GXYLT1: variants seen among roughly 807,000 people sequenced by gnomAD.
The protein encoded by GXYLT1 is glycosyltransferase 8 domain containing 3.
In GXYLT1, 29 loss-of-function variants were observed where a neutral mutation model predicts 54.0. The ratio of observed to expected loss-of-function variants is 0.54; its 90% confidence interval spans 0.40 to 0.73. The LOEUF (loss-of-function observed/expected upper bound fraction) is 0.73, where lower values mean the gene tolerates loss of function less well. Ranked by LOEUF, GXYLT1 falls within the 30% of genes least tolerant of loss-of-function variation. The pLI, the probability that GXYLT1 is intolerant of heterozygous loss-of-function variation, is 0.00. For synonymous variants in GXYLT1, 176 were observed against 204.1 expected (o/e 0.86, Z 1.17); for missense variants, 490 against 553.4 (o/e 0.89, Z 1.15).
chr12:42,086,638 T>C lies in GXYLT1; in HGVS notation c.*1148A>G, dbSNP rs2065294978. 3 of 152,092 alleles carry C rather than the reference T, an allele frequency of 2.0e-5. No homozygotes were observed. In the South Asian group the frequency reaches 6.2e-4, roughly 31 times the overall value. The allele number at this position is 152,092 out of a possible 1,614,324, so 9.4% of individuals were successfully genotyped here. Reference sequence around the variant, plus strand: ...AGTAATTTCTCAAGATTTAAAAAAATTAACTGTCTTAGGTGATATTCAAAA... The same window carrying C: ...AGTAATTTCTCAAGATTTAAAAAAACTAACTGTCTTAGGTGATATTCAAAA... On this transcript the variant is annotated 3_prime_UTR_variant, in exon 8 of 8. Coordinates refer to ENST00000398675, the MANE Select transcript of GXYLT1 (RefSeq NM_173601.2).
intron 3 of GXYLT1, among the ~76,000 whole-genome samples, chr12:42,114,020 G>A (rs1046297313): frequency 2.6e-5 from 4 of 152,192 alleles, no homozygotes; most frequent in East Asian, 1.9e-4. Context: ...AACCTGCTCC[G>A]GAATGACTAC....
intron 7 of GXYLT1, among the ~76,000 whole-genome samples, chr12:42,088,413 C>T (rs1248193979): frequency 1.3e-5 from 2 of 152,036 alleles, no homozygotes; most frequent in South Asian, 2.1e-4. Flanking sequence ...TTCAGCATGT[C>T]CCACAGAACC....
intron 7 of GXYLT1, among the ~76,000 whole-genome samples, chr12:42,090,142 T>A (rs1223244545): frequency 6.6e-6 from 1 of 152,020 alleles, no homozygotes; most frequent in East Asian, 1.9e-4. Context: ...ATGAATATTT[T>A]CTTAAATAAA....
chr12:42,097,363 G>A lies in GXYLT1; in HGVS notation c.1161+79C>T, dbSNP rs548843764. 1.2e-5 allele frequency: 13 copies of A among 1,113,394 alleles called. No homozygotes were observed. The South Asian group carries it at 1.2e-4, about 10-fold the overall frequency. The allele number at this position is 1,113,394 out of a possible 1,614,324, so 69.0% of individuals were successfully genotyped here. A position where few individuals can be genotyped will look rare whatever the true frequency, so the allele number is the denominator to read the frequency against. On this transcript the variant is annotated intron_variant, in intron 7 of 7. Transcript: ENST00000398675. ...GGCTGAGTGTGTGTAAAAATTCTTT[G>A]TACTATTTTTGTAAACTAACCATTA... is the stretch of plus-strand genomic sequence containing the variant.
rs1222937526 is a variant in GXYLT1, at chr12:42,109,225, C to T, written c.612+341G>A. ...GCTGCCTACAAGTTGAAGGTGATAA[C>T]GCCACCGCATTTCTGCTGGCAACAG... On this transcript the variant is annotated intron_variant, in intron 4 of 7. Transcript: ENST00000398675. 2.6e-5 allele frequency among the ~76,000 whole-genome samples: 4 copies of T among 152,272 alleles called. No homozygotes were observed. In the South Asian group the frequency reaches 6.2e-4, roughly 24 times the overall value.
chr12:42,113,121 C>A (rs1435407524), intron 3 of GXYLT1, among the ~76,000 whole-genome samples: 1 of 150,956 alleles, frequency 6.6e-6, no homozygotes, highest in Non-Finnish European at 1.5e-5. Flanking sequence ...TAAAAGAGCT[C>A]CTGAAGGAAG....
Position 42,104,557 on chromosome 12 carries a change from TAA to T in GXYLT1, c.864+1259_864+1260del, listed in dbSNP as rs10713678. On this transcript the variant is annotated intron_variant, in intron 5 of 7. Transcript: ENST00000398675. ...TAAAAAGATTCAGAAAAGGGAAAGC[TAA>T]AAAAAAAAAAAACTAAGTTTAAGAT... Among the ~76,000 whole-genome samples, 554 of 145,568 alleles carry T rather than the reference TAA, an allele frequency of 3.8e-3. 4 individuals are homozygous for T. Among genetic ancestry groups the T allele is most frequent in the African/African-American group, 0.011 (435 of 39,954 alleles).
intron 5 of GXYLT1, among the ~76,000 whole-genome samples, chr12:42,102,787 G>A (rs922632171): frequency 1.3e-5 from 2 of 151,788 alleles, no homozygotes; most frequent in African/African-American, 2.4e-5. Flanking sequence ...CGGCAAATAC[G>A]ATACTGCAAA....
In GXYLT1 at chr12:42,105,907, A is replaced by G; in HGVS notation, c.775T>C (p.Phe259Leu). The part of the protein sequence containing the change: ...EEPRIGWYNR[F>L]ARHPYYGKTG... ...TTTCCATAATATGGATGCCTAGCAA[A>G]GCGATTATACCATCCTATTCGAGGT... The change falls in exon 5 of 8, where the codon TTT (phenylalanine) becomes CTT (leucine). Residue 259 changes from phenylalanine (F) to leucine (L), a missense_variant. By Grantham distance (22) the Phe-to-Leu change is conservative (BLOSUM62 0). Coordinates refer to ENST00000398675, the MANE Select transcript of GXYLT1 (RefSeq NM_173601.2). 1.2e-6 allele frequency: 2 copies of G among 1,613,912 alleles called. No individual in the cohort carries two copies. The highest frequency in any genetic ancestry group is 1.7e-6 in the Non-Finnish European group (2 of 1,179,818).
At chr12:42,139,942 G>A (rs1171125872) in intron 1 of GXYLT1, among the ~76,000 whole-genome samples, 2 of 152,216 alleles carry the variant, frequency 1.3e-5, no homozygotes, top group South Asian at 4.2e-4. Flanking sequence ...AGCACTTTGG[G>A]AAGCCGAGGT....
chr12:42,093,086 A>G (rs1345583725), intron 7 of GXYLT1, among the ~76,000 whole-genome samples: 1 of 152,180 alleles, frequency 6.6e-6, no homozygotes, highest in Non-Finnish European at 1.5e-5. Flanking sequence ...CGAAGCTAAT[A>G]TACTCCTAAT....
intron 3 of GXYLT1, among the ~76,000 whole-genome samples, chr12:42,114,611 C>T (rs1419200708): frequency 1.3e-5 from 2 of 152,172 alleles, no homozygotes; most frequent in East Asian, 3.9e-4. Context: ...AGACCAACAA[C>T]AGGCTCTGAA....
rs1214827976 is a variant in GXYLT1 at position 42,129,837 on chromosome 12, G to A, written c.236C>T (p.Ser79Phe). ...PGVSDRCKDF[S>F]LCYWNPYWML... ...CCAATAGGGATTCCAGTAACACAGAGAGAAATCTTTACACCTAACAGAGTA... is the reference window on the plus strand; with the variant it reads ...CCAATAGGGATTCCAGTAACACAGAAAGAAATCTTTACACCTAACAGAGTA... Residue 79 changes from serine to phenylalanine, a missense_variant, in exon 2 of 8, where the codon TCT (serine) becomes TTT (phenylalanine). Physicochemically the swap from Ser to Phe is radical, Grantham distance 155. Around this residue, in one of 2 missense-constraint regions of GXYLT1, gnomAD observed 148 missense variants for 210.7 expected, o/e 0.70. Transcript: ENST00000398675. 1.9e-6 allele frequency: 3 copies of A among 1,612,006 alleles called. No homozygotes were observed. Among genetic ancestry groups the A allele is most frequent in the East Asian group, 4.5e-5 (2 of 44,814 alleles).
At chr12:42,105,314 A>G (rs2065412817) in intron 5 of GXYLT1, among the ~76,000 whole-genome samples, 1 of 152,210 alleles carries the variant, frequency 6.6e-6, no homozygotes, top group Admixed American at 6.5e-5. Context: ...CAATAACACC[A>G]TAATAGCTAA....
chr12:42,144,625 C>G lies in GXYLT1; in HGVS notation c.22G>C (p.Val8Leu), dbSNP rs200877465. The G allele has an allele frequency of 4.3e-4, 626 of 1,471,146 alleles. 1 individual carries two copies. The highest frequency in any genetic ancestry group is 4.5e-4 in the Non-Finnish European group (495 of 1,109,516). The allele number at this position is 1,471,146 out of a possible 1,614,324, so 91.1% of individuals were successfully genotyped here. The change falls in exon 1 of 8, where the codon GTG becomes CTG. Residue 8 changes from valine (V) to leucine (L), a missense_variant. Val to Leu is a conservative substitution (Grantham distance 32). Transcript: ENST00000398675. MRRYLRV[V>L]VLCVACGFCS... ...AAGCCGCAGGCCACACACAGCACCACGACGCGCAGGTAGCGCCGCATCGCC... is the reference window on the plus strand; with the variant it reads ...AAGCCGCAGGCCACACACAGCACCAGGACGCGCAGGTAGCGCCGCATCGCC...
intron 1 of GXYLT1, among the ~76,000 whole-genome samples, chr12:42,139,069 G>A (rs1016492916): frequency 1.1e-4 from 16 of 151,280 alleles, no homozygotes; most frequent in Middle Eastern, 3.4e-3. Context: ...TGGTGTGCAC[G>A]CCTGTAGTCA....
chr12:42,112,698 C>A (rs1294340758), intron 3 of GXYLT1, among the ~76,000 whole-genome samples: 1 of 152,090 alleles, frequency 6.6e-6, no homozygotes, highest in South Asian at 2.1e-4. Context: ...GAGAATGGAA[C>A]CAAGTTGGAA....
Position 42,087,684 on chromosome 12 carries a change from G to C in GXYLT1, c.*102C>G, listed in dbSNP as rs1592098048. 6.4e-6 allele frequency: 5 copies of C among 780,980 alleles called. No homozygotes were observed. The highest frequency in any genetic ancestry group is 9.8e-6 in the Non-Finnish European group (5 of 510,934). 48.4% of individuals were successfully genotyped at this position (780,980 alleles called of 1,614,324 possible). A position where few individuals can be genotyped will look rare whatever the true frequency, so the allele number is the denominator to read the frequency against. Reference sequence around the variant, plus strand: ...CTTTAGGAAAAAAAAAATTATTCTGGAGATGAGTAATTCCTTCCTGAATAC... The same window carrying C: ...CTTTAGGAAAAAAAAAATTATTCTGCAGATGAGTAATTCCTTCCTGAATAC... On this transcript the variant is annotated 3_prime_UTR_variant, in exon 8 of 8. Transcript: ENST00000398675.
chr12:42,102,943 A>T (rs1046037551), intron 5 of GXYLT1, among the ~76,000 whole-genome samples: 7 of 151,736 alleles, frequency 4.6e-5, no homozygotes, highest in African/African-American at 1.7e-4. Flanking sequence ...TTGAATTTAA[A>T]TTTTTTAATT....
Sources: allele counts gnomAD v4.1 joint callset (sites outside exome capture counted in the v4.1 genomes callset), GRCh38; gene constraint gnomAD v4.1.1; regional missense constraint gnomAD v4.1.1; transcripts MANE v1.5; gene names NCBI Gene and HGNC (gene_info 2026-07-23, HGNC 2026-07-21).